Variants in COG7 observed in about 807,000 individuals in gnomAD.
COG7 encodes the protein component of oligomeric golgi complex 7, also known as conserved oligomeric Golgi complex subunit 7.
COG7 carries 49 observed loss-of-function variants against 91.5 expected under a neutral mutation model. The ratio of observed to expected loss-of-function variants is 0.54; its 90% CI spans 0.43 to 0.68. The LOEUF is 0.68. Among genes scored for constraint, COG7 ranks in the 30% least tolerant of loss-of-function variants. The pLI is 0.00. For missense variants in COG7, 895 were observed against 961.3 expected, an observed-to-expected ratio of 0.93 and a Z score of 0.91; for synonymous variants, 365 against 388.7, an observed-to-expected ratio of 0.94 and a Z score of 0.72.
chr16:23,431,968 C>T (rs1170060323), intron 6 of COG7, among the ~76,000 whole-genome samples: 1 of 151,828 alleles, frequency 6.6e-6, no homozygotes, highest in Non-Finnish European at 1.5e-5. Flanking sequence ...ACAGTGAGAT[C>T]CTTATCTCTA....
At chr16:23,452,511 G>A (rs1353702651) in intron 1 of COG7, among the ~76,000 whole-genome samples, 2 of 152,034 alleles carry the variant, frequency 1.3e-5, no homozygotes. Flanking sequence ...AGGCTGCAGT[G>A]AGCTATGATC....
chr16:23,448,660 T>C (rs1964218596), intron 1 of COG7, among the ~76,000 whole-genome samples: 1 of 152,136 alleles, frequency 6.6e-6, no homozygotes, highest in South Asian at 2.1e-4. Context: ...CTACGCCTTC[T>C]TATAGCCACA....
intron 6 of COG7, among the ~76,000 whole-genome samples, chr16:23,426,005 T>A (rs541121120): frequency 1.7e-4 from 26 of 151,754 alleles, no homozygotes; most frequent in Admixed American, 1.6e-3. Flanking sequence ...CTTGAGGTCA[T>A]GAGTTCGAGA....
chr16:23,441,048 A>G (rs2142092965), intron 4 of COG7, among the ~76,000 whole-genome samples: 1 of 152,292 alleles, frequency 6.6e-6, no homozygotes, highest in South Asian at 2.1e-4. Context: ...AAAGACAGAA[A>G]AGAGAACAAA....
In COG7 at chr16:23,442,499, C is replaced by G. The variant is rs746972486; in HGVS notation, c.582G>C (p.Ala194=). 6.2e-7 allele frequency: 1 copy of G among 1,613,932 alleles called. No individual in the cohort carries two copies. The highest frequency in any genetic ancestry group is 8.5e-7 in the Non-Finnish European group (1 of 1,180,038). Residue 194 remains alanine, a synonymous_variant, in exon 4 of 17, where the codon GCG becomes GCC. Transcript: ENST00000307149. The part of the protein sequence containing the change: ...LEALASPQIV[A]AFTSQAVDQS... ...CACCTACAGCCTGAGAGGTGAATGC[C>G]GCTACAATCTGTGGACTGGCTAGGG...
At chr16:23,398,427 G>A (rs959056838) in intron 13 of COG7, among the ~76,000 whole-genome samples, 1 of 152,198 alleles carries the variant, frequency 6.6e-6, no homozygotes, top group Admixed American at 6.5e-5. Context: ...CATTTATCTC[G>A]CTGAGATTGT....
At chr16:23,452,024 G>C (rs1352273343) in intron 1 of COG7, among the ~76,000 whole-genome samples, 2 of 151,846 alleles carry the variant, frequency 1.3e-5, no homozygotes, top group Non-Finnish European at 2.9e-5. Context: ...AATTTTCTTT[G>C]ACACTGGGCT....
intron 6 of COG7, among the ~76,000 whole-genome samples, chr16:23,433,160 T>C (rs1345663262): frequency 6.6e-6 from 1 of 152,156 alleles, no homozygotes; most frequent in Non-Finnish European, 1.5e-5. Flanking sequence ...AGCTGAAGTG[T>C]AGTGGTGCGA....
chr16:23,444,500 CT>C (rs1964151777), intron 3 of COG7, among the ~76,000 whole-genome samples: 1 of 146,324 alleles, frequency 6.8e-6, no homozygotes, highest in Admixed American at 6.9e-5. Context: ...GCTGGTTTTT[CT>C]TTTCTTCTTC....
intron 6 of COG7, among the ~76,000 whole-genome samples, chr16:23,425,898 T>C (rs1180323600): frequency 1.3e-5 from 2 of 152,174 alleles, no homozygotes; most frequent in Non-Finnish European, 2.9e-5. Flanking sequence ...ATTTTTTTGA[T>C]GGTCACCAAA....
intron 4 of COG7, among the ~76,000 whole-genome samples, chr16:23,439,304 C>CAAA (rs904010571): frequency 7.7e-5 from 3 of 38,850 alleles, no homozygotes; most frequent in Admixed American, 3.0e-4. Context: ...ACTGTGTCTC[C>CAAA]AAAAAAAAAA....
intron 11 of COG7, among the ~76,000 whole-genome samples, chr16:23,409,088 T>TGTGTGTGTGTGTGTGTGCGCGCGC (rs567307217): frequency 6.8e-6 from 1 of 147,806 alleles, no homozygotes; most frequent in African/African-American, 2.5e-5. Context: ...TGTGTGTGTG[T>TGTGTGTGTGTGTGTGTGCGCGCGC]GCGTGCATGT....
chr16:23,433,717 G>A lies in COG7; in HGVS notation c.688-50C>T, dbSNP rs761952660. The A allele has an allele frequency of 4.3e-6, 7 of 1,610,398 alleles. No individual in the cohort carries two copies. In the African/African-American group the frequency reaches 6.7e-5, roughly 15 times the overall value. ...CTTATTGGGTACGTCAACATAGGTT[G>A]CCTGTGAACACTGCCCTGCCCTGCT... On this transcript the variant is annotated intron_variant, in intron 5 of 16. Coordinates refer to ENST00000307149, the MANE Select transcript of COG7 (RefSeq NM_153603.4).
At chr16:23,398,905 TAG>T (rs1178837507) in intron 13 of COG7, among the ~76,000 whole-genome samples, 1 of 152,184 alleles carries the variant, frequency 6.6e-6, no homozygotes, top group Non-Finnish European at 1.5e-5. Flanking sequence ...GCAGTTTATA[TAG>T]AGTTGGGTAA....
intron 5 of COG7, among the ~76,000 whole-genome samples, chr16:23,434,271 G>A (rs1274197932): frequency 6.6e-6 from 1 of 152,108 alleles, no homozygotes; most frequent in South Asian, 2.1e-4. Context: ...GGGCAAAATA[G>A]TGAAACCCTA....
At chr16:23,432,586 C>G (rs970965771) in intron 6 of COG7, among the ~76,000 whole-genome samples, 15 of 152,150 alleles carry the variant, frequency 9.9e-5, no homozygotes, top group Non-Finnish European at 2.1e-4. Flanking sequence ...CAAAGTAAGA[C>G]AGGCTCTTCC....
chr16:23,410,472 T>C, intron 10 of COG7, 112 bp from the exon 11 acceptor site: 5 of 886,684 alleles, frequency 5.6e-6, no homozygotes, highest in African/African-American at 1.7e-5. Flanking sequence ...TGGGTAGTTC[T>C]GGTTCTGGGA....
intron 14 of COG7, among the ~76,000 whole-genome samples, chr16:23,395,964 G>A (rs1405723786): frequency 6.6e-6 from 1 of 152,218 alleles, no homozygotes; most frequent in Non-Finnish European, 1.5e-5. Flanking sequence ...AAAAGGTTGT[G>A]GTGAGGGTAG....
intron 6 of COG7, among the ~76,000 whole-genome samples, chr16:23,431,563 A>G (rs112337683): frequency 0.061 from 9,231 of 152,162 alleles, 388 homozygotes; most frequent in Non-Finnish European, 0.092. Flanking sequence ...TAATCCCAGC[A>G]CTTTGGGAGG....
Sources: gnomAD v4.1 joint callset for allele counts (sites outside exome capture counted in the v4.1 genomes callset) on GRCh38, gnomAD v4.1.1 for gene constraint, MANE v1.5 for transcripts, NCBI Gene and HGNC (gene_info 2026-07-23, HGNC 2026-07-21) for gene names.